ARHGEF9: variants seen among roughly 807,000 people sequenced by gnomAD.
ARHGEF9 encodes rho guanine nucleotide exchange factor 9.
Under a neutral mutation model 41.3 loss-of-function variants are expected in ARHGEF9, and 2 were observed. That is an observed-to-expected ratio of 0.05 (90% CI 0.02 to 0.15). The LOEUF (loss-of-function observed/expected upper bound fraction) is 0.15. Among genes scored for constraint, ARHGEF9 ranks in the 10% least tolerant of loss-of-function variants. ARHGEF9 has a pLI of 1.00. For missense variants in ARHGEF9, 225 were observed against 424.7 expected, an observed-to-expected ratio of 0.53 and a Z score of 4.13; for synonymous variants, 160 against 154.4, an observed-to-expected ratio of 1.04 and a Z score of -0.27.
At chrX:63,754,757 A>C in intron 1 of ARHGEF9, 1 of 848,945 alleles carries the variant, frequency 1.2e-6, no homozygotes, top group Non-Finnish European at 1.4e-6. Flanking sequence ...GGGGAGGGGG[A>C]TGGGGACGGG....
intron 3 of ARHGEF9, among the ~76,000 whole-genome samples, chrX:63,697,651 C>A (rs2147453276): frequency 8.9e-6 from 1 of 111,823 alleles, no homozygotes; most frequent in African/African-American, 3.2e-5. Context: ...GATCCATTCA[C>A]ATCTCTAAAG....
intron 4 of ARHGEF9, among the ~76,000 whole-genome samples, chrX:63,683,898 AGCACTACT>A (rs1330443396): frequency 2.7e-5 from 3 of 111,055 alleles, no homozygotes; most frequent in Non-Finnish European, 5.7e-5. Flanking sequence ...AACTACTAAA[AGCACTACT>A]GCTGTGCTTT....
chrX:63,670,007 A>C (rs782485951), intron 6 of ARHGEF9, among the ~76,000 whole-genome samples: 29 of 111,585 alleles, frequency 2.6e-4, no homozygotes, highest in Admixed American at 1.2e-3. Flanking sequence ...GCCACCAAAA[A>C]CTACCCAAAG....
chrX:63,644,092 C>A (rs1556309734), intron 8 of ARHGEF9, 44 bp from the exon 9 acceptor site: 1 of 1,025,507 alleles, frequency 9.8e-7, no homozygotes, highest in Non-Finnish European at 1.4e-6. Flanking sequence ...GAAACACACA[C>A]CCTTACTGAG....
intron 8 of ARHGEF9, among the ~76,000 whole-genome samples, chrX:63,648,877 C>A (rs1417018938): frequency 1.8e-5 from 2 of 111,348 alleles, no homozygotes; most frequent in Non-Finnish European, 3.8e-5. Flanking sequence ...ATGGTAAGGG[C>A]ATCAATTCAA....
chrX:63,782,544 A>G (rs781873982), intron 1 of ARHGEF9, among the ~76,000 whole-genome samples: 3 of 112,599 alleles, frequency 2.7e-5, no homozygotes, highest in African/African-American at 9.7e-5. Flanking sequence ...TTATTCTGTA[A>G]AATCTTGAAC....
chrX:63,745,525 G>A (rs189358290), intron 1 of ARHGEF9, among the ~76,000 whole-genome samples: 7 of 111,542 alleles, frequency 6.3e-5, no homozygotes, highest in Admixed American at 1.9e-4. Context: ...AGGGAGCATA[G>A]AGCCAGAAAC....
intron 1 of ARHGEF9, among the ~76,000 whole-genome samples, chrX:63,780,542 G>A (rs782520488): frequency 6.3e-5 from 7 of 111,072 alleles, no homozygotes; most frequent in African/African-American, 2.3e-4. Flanking sequence ...AAGTCAAAGC[G>A]TTTTATATCA....
intron 6 of ARHGEF9, chrX:63,671,466 C>T (rs1474154270): frequency 8.9e-6 from 1 of 112,396 alleles, no homozygotes; most frequent in Admixed American, 9.4e-5. Flanking sequence ...CTCTTTACTA[C>T]ATACAAAAAG....
At chrX:63,682,696 T>C (rs1257331553) in intron 4 of ARHGEF9, among the ~76,000 whole-genome samples, 1 of 112,009 alleles carries the variant, frequency 8.9e-6, no homozygotes, top group Admixed American at 9.4e-5. Context: ...TCAATTATTA[T>C]GATACATTAC....
intron 6 of ARHGEF9, among the ~76,000 whole-genome samples, chrX:63,669,056 G>A (rs1445658251): frequency 4.4e-5 from 5 of 112,375 alleles, no homozygotes; most frequent in Non-Finnish European, 9.4e-5. Context: ...CTCGCCATCT[G>A]TTTCCTCATT....
chrX:63,774,542 C>A (rs1948481424), intron 1 of ARHGEF9, among the ~76,000 whole-genome samples: 1 of 111,430 alleles, frequency 9.0e-6, no homozygotes, highest in African/African-American at 3.3e-5. Context: ...CAGGCTCCAG[C>A]CACACCAGAA....
chrX:63,745,210 G>T (rs2055195403), intron 1 of ARHGEF9, among the ~76,000 whole-genome samples: 1 of 111,354 alleles, frequency 9.0e-6, no homozygotes, highest in African/African-American at 3.3e-5. Flanking sequence ...GGCAGGCGGA[G>T]AAATCAGCTG....
chrX:63,647,643 T>C (rs1556318131), intron 8 of ARHGEF9, among the ~76,000 whole-genome samples: 1 of 111,737 alleles, frequency 8.9e-6, no homozygotes, highest in Non-Finnish European at 1.9e-5. Flanking sequence ...CAGTATTTTA[T>C]TGAGGATTTT....
At chrX:63,687,295 G>T (rs142348592) in intron 4 of ARHGEF9, among the ~76,000 whole-genome samples, 78 of 111,349 alleles carry the variant, frequency 7.0e-4, no homozygotes, top group East Asian at 5.9e-3. Flanking sequence ...GTCAAATCTG[G>T]GTTCAGGGTG....
chrX:63,780,893 C>T (rs2056369621), intron 1 of ARHGEF9, among the ~76,000 whole-genome samples: 1 of 111,431 alleles, frequency 9.0e-6, no homozygotes, highest in Non-Finnish European at 1.9e-5. Flanking sequence ...AGTTTTGTGT[C>T]CACAATCCCT....
intron 6 of ARHGEF9, among the ~76,000 whole-genome samples, chrX:63,670,721 C>T (rs1289417328): frequency 9.0e-6 from 1 of 111,584 alleles, no homozygotes; most frequent in Non-Finnish European, 1.9e-5. Flanking sequence ...CCCTGCTGCT[C>T]CCGCATACTG....
chrX:63,684,969 G>GT (rs1471724337), intron 4 of ARHGEF9, among the ~76,000 whole-genome samples: 1 of 109,526 alleles, frequency 9.1e-6, no homozygotes, highest in Non-Finnish European at 1.9e-5. Flanking sequence ...GTGACCAGAG[G>GT]TGAGGGGGTG....
intron 3 of ARHGEF9, among the ~76,000 whole-genome samples, chrX:63,703,699 A>G (rs1243324178): frequency 2.7e-5 from 3 of 112,151 alleles, no homozygotes; most frequent in African/African-American, 9.7e-5. Context: ...GACAATAAAC[A>G]AAATATATAA....
Sources: gnomAD v4.1 joint callset for allele counts (sites outside exome capture counted in the v4.1 genomes callset) on GRCh38, gnomAD v4.1.1 for gene constraint, MANE v1.5 for transcripts, NCBI Gene and HGNC (gene_info 2026-07-23, HGNC 2026-07-21) for gene names.